Variants in COA5 observed in about 807,000 individuals in gnomAD.
The protein encoded by COA5 is protein C2orf64.
A neutral mutation model predicts 11.8 loss-of-function variants in COA5; 11 were observed. The ratio of observed to expected loss-of-function variants is 0.93; its 90% CI spans 0.59 to 1.54. The LOEUF is 1.54. COA5 is among the 40% of genes most tolerant of loss of function. The probability of loss-of-function intolerance (pLI) is 0.00; values close to 1 mark genes in which losing one functional copy is unlikely to be tolerated. For missense variants in COA5, 87 were observed against 89.2 expected (o/e 0.97, Z 0.10); for synonymous variants, 38 against 37.5 (o/e 1.01, Z -0.05).
At chr2:98,604,030 A>ACAG in intron 2 of COA5, 78 bp downstream of exon 2, 1 of 1,042,340 alleles carries the variant, frequency 9.6e-7, no homozygotes, top group Non-Finnish European at 1.5e-6. Flanking sequence ...CTTACCTATA[A>ACAG]CTATTAAGTC....
chr2:98,603,138 T>C (rs1022410781), intron 2 of COA5, among the ~76,000 whole-genome samples: 1 of 152,194 alleles, frequency 6.6e-6, no homozygotes, highest in Non-Finnish European at 1.5e-5. Flanking sequence ...CCATTTCTTT[T>C]GTTAACAAAA....
chr2:98,607,107 A>G (rs879169332), intron 1 of COA5, among the ~76,000 whole-genome samples: 1 of 152,250 alleles, frequency 6.6e-6, no homozygotes, highest in African/African-American at 2.4e-5. Context: ...CACATGTTTA[A>G]TAAATGCTTA....
In COA5 at chr2:98,599,853, C is replaced by T. The variant is rs908789919; in HGVS notation, c.*899G>A. On this transcript the variant is annotated 3_prime_UTR_variant, in exon 3 of 3. Coordinates refer to ENST00000328709, the MANE Select transcript of COA5 (RefSeq NM_001008215.3). ...AACCCCTTTCCTTTTGGGATTCAGC[C>T]CACTACTCATCCATGTGATTCTGAC... is the stretch of plus-strand genomic sequence containing the variant. 35 of 152,238 alleles carry T rather than the reference C, an allele frequency of 2.3e-4. No homozygotes were observed. Among genetic ancestry groups the T allele is most frequent in the African/African-American group, 8.0e-4 (33 of 41,446 alleles). 9.4% of individuals were successfully genotyped at this position (152,238 alleles called of 1,614,324 possible). A position where few individuals can be genotyped will look rare whatever the true frequency, so the allele number is the denominator to read the frequency against.
At chr2:98,602,971 T>TCAC (rs1394789531) in intron 2 of COA5, among the ~76,000 whole-genome samples, 1 of 152,122 alleles carries the variant, frequency 6.6e-6, no homozygotes, top group East Asian at 1.9e-4. Context: ...CCTCCTCTAT[T>TCAC]CACACTGAAT....
chr2:98,608,434 G>A lies in COA5; in HGVS notation c.-29C>T, dbSNP rs1322499664. 10 of 1,521,218 alleles carry A rather than the reference G, an allele frequency of 6.6e-6. No homozygotes were observed. The highest frequency in any genetic ancestry group is 8.9e-6 in the Non-Finnish European group (10 of 1,117,878). 94.2% of individuals were successfully genotyped at this position (1,521,218 alleles called of 1,614,324 possible). On this transcript the variant is annotated 5_prime_UTR_variant, in exon 1 of 3. Transcript: ENST00000328709. ...GGCGCTTCCCCTCCGATGCGGACGCGACTTTCTCCCACCGCAACACTTGCA... is the reference window on the plus strand; with the variant it reads ...GGCGCTTCCCCTCCGATGCGGACGCAACTTTCTCCCACCGCAACACTTGCA...
rs574175927 is a variant in COA5 at position 98,603,958 on chromosome 2, C to T, written c.183+150G>A. 16 of 631,894 alleles carry T rather than the reference C, an allele frequency of 2.5e-5. No individual in the cohort carries two copies. In the East Asian group the frequency reaches 3.4e-4, roughly 13 times the overall value. The allele number at this position is 631,894 out of a possible 1,614,324, so 39.1% of individuals were successfully genotyped here. On this transcript the variant is annotated intron_variant, in intron 2 of 2. Transcript: ENST00000328709. ...GTGGGTTTTTATGAACGCTACCTAA[C>T]GTTAACTCACTGGAGGAAGAAATAT...
In COA5 at chr2:98,600,713, A is replaced by T; in HGVS notation, c.*39T>A. On this transcript the variant is annotated 3_prime_UTR_variant, in exon 3 of 3. Transcript: ENST00000328709. The stretch of plus-strand genomic sequence containing the variant: ...CTTCTTTGTGTTAATGACCAGGGAA[A>T]ATATTTGTTGTTTTCCATGTTGGCT... 1 of 1,587,558 alleles carries T rather than the reference A, an allele frequency of 6.3e-7. No homozygotes were observed. The highest frequency in any genetic ancestry group is 1.1e-5 in the South Asian group (1 of 89,264).
chr2:98,601,661 C>T (rs1288144865), intron 2 of COA5, among the ~76,000 whole-genome samples: 1 of 152,200 alleles, frequency 6.6e-6, no homozygotes, highest in Admixed American at 6.5e-5. Flanking sequence ...AGGCCATAGA[C>T]CTGTACCAGT....
At chr2:98,601,509 C>A (rs1312237452) in intron 2 of COA5, among the ~76,000 whole-genome samples, 1 of 152,284 alleles carries the variant, frequency 6.6e-6, no homozygotes. Flanking sequence ...ACTGGCAGCA[C>A]GTTCTTTGAC....
chr2:98,601,935 G>T (rs1332745197), intron 2 of COA5, among the ~76,000 whole-genome samples: 2 of 152,162 alleles, frequency 1.3e-5, no homozygotes, highest in Non-Finnish European at 2.9e-5. Context: ...TCCGTGGAAA[G>T]ATTGTCTTCT....
chr2:98,606,618 G>A (rs17034202), intron 1 of COA5, among the ~76,000 whole-genome samples: 3,004 of 152,272 alleles, frequency 0.02, 115 homozygotes, highest in African/African-American at 0.068. Context: ...CTGGCGCTCC[G>A]TACATGTTTG....
chr2:98,601,742 C>T (rs539572300), intron 2 of COA5, among the ~76,000 whole-genome samples: 41 of 152,278 alleles, frequency 2.7e-4, no homozygotes, highest in South Asian at 1.2e-3. Context: ...GCCTGAGCTC[C>T]ACCTCCTGTC....
chr2:98,603,140 T>C (rs1337325911), intron 2 of COA5, among the ~76,000 whole-genome samples: 1 of 152,162 alleles, frequency 6.6e-6, no homozygotes, highest in African/African-American at 2.4e-5. Context: ...ATTTCTTTTG[T>C]TAACAAAAAG....
At chr2:98,603,621 C>G (rs987615038) in intron 2 of COA5, among the ~76,000 whole-genome samples, 2 of 152,204 alleles carry the variant, frequency 1.3e-5, no homozygotes, top group Non-Finnish European at 2.9e-5. Context: ...CATACATCTT[C>G]CAAATCAAAG....
chr2:98,604,517 C>G (rs1010356622), intron 1 of COA5: 1 of 283,278 alleles, frequency 3.5e-6, no homozygotes, highest in Non-Finnish European at 6.8e-6. Flanking sequence ...ACTGGGTACC[C>G]TAAAATCAGA....
intron 2 of COA5, among the ~76,000 whole-genome samples, chr2:98,601,484 A>C (rs566103774): frequency 6.6e-6 from 1 of 152,238 alleles, no homozygotes; most frequent in Non-Finnish European, 1.5e-5. Flanking sequence ...CTTCAGGTGA[A>C]TTACCACCTC....
At chr2:98,607,195 A>T (rs1049191133) in intron 1 of COA5, among the ~76,000 whole-genome samples, 1 of 152,184 alleles carries the variant, frequency 6.6e-6, no homozygotes, top group Non-Finnish European at 1.5e-5. Context: ...AGTGACTGTT[A>T]CTGATTCATC....
At chr2:98,607,307 A>G (rs150276521) in intron 1 of COA5, among the ~76,000 whole-genome samples, 1 of 152,228 alleles carries the variant, frequency 6.6e-6, no homozygotes, top group African/African-American at 2.4e-5. Flanking sequence ...GAAGGGACAC[A>G]GCCCTGGACA....
At chr2:98,603,145 A>G (rs903995535) in intron 2 of COA5, among the ~76,000 whole-genome samples, 2 of 152,192 alleles carry the variant, frequency 1.3e-5, no homozygotes, top group African/African-American at 4.8e-5. Context: ...TTTTGTTAAC[A>G]AAAAGGAAGG....
Sources: gnomAD v4.1 joint callset for allele counts (sites outside exome capture counted in the v4.1 genomes callset) on GRCh38, gnomAD v4.1.1 for gene constraint, MANE v1.5 for transcripts, NCBI Gene and HGNC (gene_info 2026-07-23, HGNC 2026-07-21) for gene names.